The following ATF7IP variants were observed in gnomAD, a reference collection of about 807,000 sequenced individuals.
ATF7IP encodes activating transcription factor 7 interacting protein, also known as activating transcription factor 7-interacting protein 1.
Under a neutral mutation model 106.4 loss-of-function variants are expected in ATF7IP, and 23 were observed. The ratio of observed to expected loss-of-function variants is 0.22; its 90% CI spans 0.16 to 0.31. The LOEUF is 0.31. Among genes scored for constraint, ATF7IP ranks in the 10% least tolerant of loss-of-function variants. The probability of loss-of-function intolerance (pLI) is 1.00; values close to 1 mark genes in which losing one functional copy is unlikely to be tolerated. For synonymous variants in ATF7IP, 542 were observed against 539.0 expected, an observed-to-expected ratio of 1.01 and a Z score of -0.08; for missense variants, 1,334 against 1,524.3, an observed-to-expected ratio of 0.88 and a Z score of 2.08.
Position 14,461,004 on chromosome 12 carries a change from C to A in ATF7IP, c.2668C>A (p.Pro890Thr), listed in dbSNP as rs754553075. Residue 890 changes from proline to threonine, a missense_variant, in exon 9 of 15, where the codon CCC (proline) becomes ACC (threonine). By Grantham distance (38) the Pro-to-Thr change is conservative. Transcript: ENST00000261168. ...TGTACAAGCCACAAGGACTTCTTTACCCACAGTGGGCCCATCAGGACTCTA... is the reference window on the plus strand; with the variant it reads ...TGTACAAGCCACAAGGACTTCTTTAACCACAGTGGGCCCATCAGGACTCTA... ...SIVQATRTSL[P>T]TVGPSGLYSP... 1 of 1,614,160 alleles carries A rather than the reference C, an allele frequency of 6.2e-7. No homozygotes were observed. Among genetic ancestry groups the A allele is most frequent in the Admixed American group, 1.7e-5 (1 of 60,008 alleles).
In ATF7IP at chr12:14,501,919, A is replaced by G. The variant is rs1945169573; in HGVS notation, c.*3846A>G. ...TTAGGGTTAATACTGCATGGTATTC[A>G]TTTATCTTGTTTCATGAACTTTCCA... On this transcript the variant is annotated 3_prime_UTR_variant, in exon 15 of 15. Coordinates refer to ENST00000261168, the MANE Select transcript of ATF7IP (RefSeq NM_018179.5). The G allele has an allele frequency of 6.6e-6, 1 of 152,200 alleles. No individual in the cohort carries two copies. The highest frequency in any genetic ancestry group is 1.5e-5 in the Non-Finnish European group (1 of 68,018). The allele number at this position is 152,200 out of a possible 1,614,324, so 9.4% of individuals were successfully genotyped here.
chr12:14,481,367 T>A, intron 13 of ATF7IP, 182 bp downstream of exon 13: 1 of 620,778 alleles, frequency 1.6e-6, no homozygotes, highest in Non-Finnish European at 2.8e-6. Flanking sequence ...TTAAAATCAA[T>A]GTAGTATATT....
chr12:14,387,842 C>T (rs1939324302), intron 1 of ATF7IP, among the ~76,000 whole-genome samples: 1 of 152,096 alleles, frequency 6.6e-6, no homozygotes. Flanking sequence ...TAAAAATTCT[C>T]CCCTTTTGTT....
chr12:14,415,379 G>C (rs1941147727), intron 1 of ATF7IP, among the ~76,000 whole-genome samples: 1 of 152,152 alleles, frequency 6.6e-6, no homozygotes, highest in Non-Finnish European at 1.5e-5. Flanking sequence ...ACATAGCACT[G>C]AATGCAACAA....
rs572217145 is a variant in ATF7IP, at chr12:14,405,529, C to G, written c.-7-18380C>G. Among the ~76,000 whole-genome samples, 52 of 151,080 alleles carry G rather than the reference C, an allele frequency of 3.4e-4. No individual in the cohort carries two copies. The South Asian group carries it at 7.3e-3, about 21-fold the overall frequency. ...TCTCAGGCTCAAGTGATCCTCCCAC[C>G]TCAGCCTCCGGAGTAGCTGGGACCA... On this transcript the variant is annotated intron_variant, in intron 1 of 14. Coordinates refer to ENST00000261168, the MANE Select transcript of ATF7IP (RefSeq NM_018179.5).
intron 1 of ATF7IP, among the ~76,000 whole-genome samples, chr12:14,392,179 A>C (rs956145135): frequency 1.3e-5 from 2 of 152,212 alleles, no homozygotes; most frequent in Admixed American, 6.5e-5. Context: ...AGCACAAATT[A>C]AATATTGGTT....
intron 1 of ATF7IP, among the ~76,000 whole-genome samples, chr12:14,381,035 C>T (rs1016102766): frequency 1.3e-5 from 2 of 152,190 alleles, no homozygotes; most frequent in Non-Finnish European, 2.9e-5. Flanking sequence ...CTTTCTGCTT[C>T]TTAAACAGCT....
intron 1 of ATF7IP, among the ~76,000 whole-genome samples, chr12:14,374,272 ATT>A (rs563859251): frequency 3.8e-5 from 4 of 105,438 alleles, no homozygotes; most frequent in Non-Finnish European, 1.9e-5. Context: ...TAATTTTGTA[ATT>A]TTTTTTTTTT....
chr12:14,455,227 C>T (rs1234047165), intron 6 of ATF7IP, among the ~76,000 whole-genome samples: 1 of 150,990 alleles, frequency 6.6e-6, no homozygotes, highest in Non-Finnish European at 1.5e-5. Context: ...CTTAAAGATG[C>T]ATTCCTTTCC....
intron 5 of ATF7IP, among the ~76,000 whole-genome samples, chr12:14,442,658 G>A (rs1286142124): frequency 6.6e-6 from 1 of 152,134 alleles, no homozygotes; most frequent in Non-Finnish European, 1.5e-5. Context: ...ATATGTTTTA[G>A]TATAATTATC....
chr12:14,391,571 G>A (rs1412930048), intron 1 of ATF7IP, among the ~76,000 whole-genome samples: 2 of 152,172 alleles, frequency 1.3e-5, no homozygotes, highest in African/African-American at 4.8e-5. Context: ...TGGGTCGTTG[G>A]AAGAACACCA....
intron 1 of ATF7IP, among the ~76,000 whole-genome samples, chr12:14,394,401 T>C (rs1305876034): frequency 6.6e-6 from 1 of 152,186 alleles, no homozygotes. Context: ...AATTATAAAT[T>C]GGTTTTCTTT....
intron 6 of ATF7IP, among the ~76,000 whole-genome samples, chr12:14,448,404 G>T (rs1943069851): frequency 6.6e-6 from 1 of 152,086 alleles, no homozygotes. Flanking sequence ...GTGCATTTAT[G>T]TCTGTCTGTG....
chr12:14,370,523 G>GA (rs929687592), intron 1 of ATF7IP, among the ~76,000 whole-genome samples: 1 of 151,568 alleles, frequency 6.6e-6, no homozygotes, highest in South Asian at 2.1e-4. Context: ...GGTTAATTAA[G>GA]AAAAAAAAGC....
intron 13 of ATF7IP, among the ~76,000 whole-genome samples, chr12:14,490,463 C>G (rs1944776786): frequency 6.6e-6 from 1 of 152,208 alleles, no homozygotes; most frequent in African/African-American, 2.4e-5. Context: ...AATCACACAT[C>G]TAGCCATTTC....
chr12:14,389,307 C>A (rs1565475784), intron 1 of ATF7IP, among the ~76,000 whole-genome samples: 1 of 152,118 alleles, frequency 6.6e-6, no homozygotes, highest in Non-Finnish European at 1.5e-5. Flanking sequence ...AATTAGCCAT[C>A]CTTTGTTGTG....
At chr12:14,422,364 GTATT>G (rs1455620235) in intron 1 of ATF7IP, among the ~76,000 whole-genome samples, 5 of 146,954 alleles carry the variant, frequency 3.4e-5, no homozygotes, top group African/African-American at 2.5e-5. Context: ...CACAACCTTT[GTATT>G]TATTTTGAAA....
At chr12:14,377,378 C>T (rs1197407637) in intron 1 of ATF7IP, among the ~76,000 whole-genome samples, 6 of 144,500 alleles carry the variant, frequency 4.2e-5, no homozygotes, top group East Asian at 2.0e-4. Flanking sequence ...TTTTTTGAGA[C>T]GTTGTCTTGC....
At chr12:14,429,764 G>A (rs1292015922) in intron 2 of ATF7IP, among the ~76,000 whole-genome samples, 2 of 152,106 alleles carry the variant, frequency 1.3e-5, no homozygotes, top group African/African-American at 4.8e-5. Flanking sequence ...TTTATATTTA[G>A]CTGTTACTTA....
Sources: gnomAD v4.1 joint callset for allele counts (sites outside exome capture counted in the v4.1 genomes callset) on GRCh38, gnomAD v4.1.1 for gene constraint, MANE v1.5 for transcripts, NCBI Gene and HGNC (gene_info 2026-07-23, HGNC 2026-07-21) for gene names.